THSD7A: variants seen among roughly 807,000 people sequenced by gnomAD.
The protein encoded by THSD7A is thrombospondin type 1 domain containing 7A.
In THSD7A, 96 loss-of-function variants were observed where a neutral mutation model predicts 231.3. The observed-to-expected ratio is 0.41, with a 90% CI of 0.35 to 0.49. The LOEUF (loss-of-function observed/expected upper bound fraction) is 0.49, where lower values mean the gene tolerates loss of function less well. Ranked by LOEUF, THSD7A falls within the 20% of genes least tolerant of loss-of-function variation. The pLI is 0.05. For missense variants in THSD7A, 2,290 were observed against 2,070.2 expected (o/e 1.11, Z -2.06); for synonymous variants, 940 against 743.3 (o/e 1.26, Z -4.30).
intron 23 of THSD7A, among the ~76,000 whole-genome samples, chr7:11,390,194 A>T (rs1006918796): frequency 6.6e-6 from 1 of 152,164 alleles, no homozygotes; most frequent in African/African-American, 2.4e-5. Flanking sequence ...CCTGGATAAT[A>T]TCCTGAAGAG....
chr7:11,540,607 T>G (rs551565129), intron 6 of THSD7A, among the ~76,000 whole-genome samples: 1 of 152,184 alleles, frequency 6.6e-6, no homozygotes, highest in Non-Finnish European at 1.5e-5. Context: ...ACCTTAGAGA[T>G]GATCTTGTCC....
chr7:11,711,369 C>T (rs966473258), intron 1 of THSD7A, among the ~76,000 whole-genome samples: 1 of 150,884 alleles, frequency 6.6e-6, no homozygotes, highest in African/African-American at 2.4e-5. Context: ...GTGTCAATGC[C>T]CCCAAGTTAA....
At chr7:11,563,847 T>C (rs916083895) in intron 4 of THSD7A, among the ~76,000 whole-genome samples, 11 of 152,234 alleles carry the variant, frequency 7.2e-5, no homozygotes, top group Non-Finnish European at 1.6e-4. Flanking sequence ...GCCATCCTGC[T>C]TGATCATAGA....
intron 27 of THSD7A, 54 bp from the exon 28 acceptor site, chr7:11,375,932 T>C (rs1782253991): frequency 5.1e-6 from 8 of 1,554,800 alleles, no homozygotes; most frequent in Non-Finnish European, 7.1e-6. Context: ...ATTGTAAATT[T>C]GATTGCTTTA....
intron 6 of THSD7A, among the ~76,000 whole-genome samples, chr7:11,527,168 C>T (rs1788510153): frequency 6.6e-6 from 1 of 152,080 alleles, no homozygotes; most frequent in African/African-American, 2.4e-5. Flanking sequence ...CCAGAAGGCT[C>T]TCCATATAGA....
chr7:11,677,580 AAAGC>A (rs1562467883), intron 1 of THSD7A, among the ~76,000 whole-genome samples: 3 of 103,674 alleles, frequency 2.9e-5, no homozygotes, highest in African/African-American at 1.2e-4. Flanking sequence ...AAGCAAATGG[AAAGC>A]AAAAAAAAAA....
chr7:11,716,499 C>A lies in THSD7A; in HGVS notation c.191-79538G>T, dbSNP rs541844497. Among the ~76,000 whole-genome samples, 11 of 151,772 alleles carry A rather than the reference C, an allele frequency of 7.2e-5. No individual in the cohort carries two copies. The South Asian group carries it at 1.9e-3, about 26-fold the overall frequency. On this transcript the variant is annotated intron_variant, in intron 1 of 27. Coordinates refer to ENST00000423059, the MANE Select transcript of THSD7A (RefSeq NM_015204.3). Reference sequence around the variant, plus strand: ...TAAGCCACAGATTCCTGCTTCCCTACTTTATTGTTCCTACTTTATTGTTCT... The same window carrying A: ...TAAGCCACAGATTCCTGCTTCCCTAATTTATTGTTCCTACTTTATTGTTCT...
intron 16 of THSD7A, among the ~76,000 whole-genome samples, chr7:11,421,019 G>A (rs1286641547): frequency 6.6e-6 from 1 of 152,212 alleles, no homozygotes; most frequent in East Asian, 1.9e-4. Context: ...GATTTTACAG[G>A]TTCACAGGCA....
intron 4 of THSD7A, among the ~76,000 whole-genome samples, chr7:11,587,006 G>A (rs897103075): frequency 6.6e-6 from 1 of 152,080 alleles, no homozygotes; most frequent in Non-Finnish European, 1.5e-5. Context: ...ATAAGTCACT[G>A]TAAACTTAAT....
At chr7:11,766,405 G>A (rs189739659) in intron 1 of THSD7A, among the ~76,000 whole-genome samples, 5 of 152,182 alleles carry the variant, frequency 3.3e-5, no homozygotes, top group Admixed American at 1.3e-4. Flanking sequence ...TTCCCTATGG[G>A]ATAAATGAAG....
chr7:11,823,813 C>A (rs74837085), intron 1 of THSD7A, among the ~76,000 whole-genome samples: 6,514 of 151,614 alleles, frequency 0.043, 209 homozygotes, highest in Middle Eastern at 0.071. Flanking sequence ...TTAATATAAG[C>A]TTTTTTACTG....
chr7:11,429,112 C>T lies in THSD7A; in HGVS notation c.3078G>A (p.Glu1026=). 6.3e-7 allele frequency: 1 copy of T among 1,596,540 alleles called. No individual in the cohort carries two copies. The highest frequency in any genetic ancestry group is 8.5e-7 in the Non-Finnish European group (1 of 1,173,918). ...CTGAGGGGCAGGGGATGATGCAGGC[C>T]TCCTCAATGTAACCTGAGTAGAGGA... The part of the protein sequence containing the change: ...SRCNSHGYIE[E]ACIIPCPSDC... The change falls in exon 14 of 28, where the codon GAG becomes GAA. Residue 1026 remains glutamate (E), a synonymous_variant. Transcript: ENST00000423059.
intron 8 of THSD7A, among the ~76,000 whole-genome samples, chr7:11,470,850 A>G (rs1035925654): frequency 2.0e-5 from 3 of 151,950 alleles, no homozygotes; most frequent in South Asian, 4.1e-4. Context: ...ACAGAAAGAT[A>G]AGGATGAAGA....
intron 1 of THSD7A, among the ~76,000 whole-genome samples, chr7:11,743,991 G>A (rs1314338408): frequency 1.3e-5 from 2 of 151,880 alleles, no homozygotes; most frequent in African/African-American, 4.8e-5. Flanking sequence ...CCAGTGGTTA[G>A]ACACTTAATA....
At position 11,373,032 on chromosome 7, in the gene THSD7A, C is replaced by T. The variant is rs1009466704; in HGVS notation, c.*2762G>A. ...TCTCTAATATTAGGTCATGTTGAACCTAATTTCCTCTCTCTCATATATATG... is the reference window on the plus strand; with the variant it reads ...TCTCTAATATTAGGTCATGTTGAACTTAATTTCCTCTCTCTCATATATATG... On this transcript the variant is annotated 3_prime_UTR_variant, in exon 28 of 28. Transcript: ENST00000423059. 2.0e-5 allele frequency: 3 copies of T among 150,022 alleles called. No homozygotes were observed. The highest frequency in any genetic ancestry group is 7.4e-5 in the African/African-American group (3 of 40,530). The allele number at this position is 150,022 out of a possible 1,614,324, so 9.3% of individuals were successfully genotyped here. A position where few individuals can be genotyped will look rare whatever the true frequency, so the allele number is the denominator to read the frequency against.
intron 1 of THSD7A, among the ~76,000 whole-genome samples, chr7:11,786,899 C>T (rs1783812253): frequency 6.6e-6 from 1 of 152,024 alleles, no homozygotes; most frequent in Admixed American, 6.6e-5. Flanking sequence ...TATTTCTTCA[C>T]CAACCATTCA....
intron 16 of THSD7A, among the ~76,000 whole-genome samples, chr7:11,421,041 C>G (rs1445033009): frequency 6.6e-6 from 1 of 152,108 alleles, no homozygotes; most frequent in East Asian, 1.9e-4. Flanking sequence ...AGGGGACTTG[C>G]CTTGTCTCAA....
chr7:11,742,459 C>G (rs932907070), intron 1 of THSD7A, among the ~76,000 whole-genome samples: 2 of 151,760 alleles, frequency 1.3e-5, no homozygotes, highest in African/African-American at 2.4e-5. Context: ...AAGAATATAG[C>G]TACTAGATGT....
intron 1 of THSD7A, among the ~76,000 whole-genome samples, chr7:11,778,062 C>G (rs1783483616): frequency 7.2e-6 from 1 of 139,410 alleles, no homozygotes; most frequent in African/African-American, 2.7e-5. Context: ...GAGGCTGAGG[C>G]AGGAGAATGG....
Sources: gnomAD v4.1 joint callset for allele counts (sites outside exome capture counted in the v4.1 genomes callset) on GRCh38, gnomAD v4.1.1 for gene constraint, MANE v1.5 for transcripts, NCBI Gene and HGNC (gene_info 2026-07-23, HGNC 2026-07-21) for gene names.